The following GPC6 variants were observed in gnomAD, a reference collection of about 807,000 sequenced individuals.
GPC6 encodes the protein glypican 6, also known as glypican-6.
A neutral mutation model predicts 55.2 loss-of-function variants in GPC6; 14 were observed. The ratio of observed to expected loss-of-function variants is 0.25; its 90% CI spans 0.17 to 0.40. The LOEUF (loss-of-function observed/expected upper bound fraction) is 0.40. Ranked by LOEUF, GPC6 falls within the 10% of genes least tolerant of loss-of-function variation. The pLI is 1.00. For synonymous variants in GPC6, 278 were observed against 259.6 expected, an observed-to-expected ratio of 1.07 and a Z score of -0.68; for missense variants, 641 against 708.5, an observed-to-expected ratio of 0.90 and a Z score of 1.08.
intron 1 of GPC6, among the ~76,000 whole-genome samples, chr13:93,497,117 C>A (rs1198229173): frequency 6.6e-6 from 1 of 152,192 alleles, no homozygotes; most frequent in Non-Finnish European, 1.5e-5. Flanking sequence ...CTGTCTGCAT[C>A]ACTTTAGGAG....
intron 1 of GPC6, among the ~76,000 whole-genome samples, chr13:93,292,366 G>A (rs1336994827): frequency 6.6e-6 from 1 of 152,094 alleles, no homozygotes; most frequent in Non-Finnish European, 1.5e-5. Context: ...GATCTTTAAG[G>A]GAGAGATGCT....
chr13:93,495,353 G>A (rs1460171824), intron 1 of GPC6, among the ~76,000 whole-genome samples: 2 of 144,596 alleles, frequency 1.4e-5, no homozygotes, highest in African/African-American at 2.6e-5. Flanking sequence ...CGTAGTTCTC[G>A]AGCCTTGGTT....
At chr13:94,388,567 G>C (rs77338414) in intron 7 of GPC6, among the ~76,000 whole-genome samples, 1 of 152,178 alleles carries the variant, frequency 6.6e-6, no homozygotes, top group East Asian at 1.9e-4. Flanking sequence ...TTGTATCTTT[G>C]GTCAGCATTT....
chr13:93,740,851 C>G (rs1032548161), intron 2 of GPC6, among the ~76,000 whole-genome samples: 9 of 152,072 alleles, frequency 5.9e-5, no homozygotes, highest in African/African-American at 2.2e-4. Flanking sequence ...AATTTTGAGG[C>G]AAAGCTTCAA....
chr13:93,710,594 A>G (rs919365398), intron 2 of GPC6, among the ~76,000 whole-genome samples: 2 of 151,746 alleles, frequency 1.3e-5, no homozygotes, highest in Non-Finnish European at 2.9e-5. Context: ...ACTGGCTCCT[A>G]TAAGTTATCA....
intron 1 of GPC6, among the ~76,000 whole-genome samples, chr13:93,325,017 A>T (rs1002387297): frequency 6.6e-6 from 1 of 152,178 alleles, no homozygotes; most frequent in Non-Finnish European, 1.5e-5. Flanking sequence ...AAAGGAATTC[A>T]TGCACAGCAA....
chr13:93,220,118 A>G, the GPC6 span, among the ~76,000 whole-genome samples: 2 of 152,220 alleles, frequency 1.3e-5, no homozygotes, highest in African/African-American at 4.8e-5. Flanking sequence ...TAAGGTCAAA[A>G]TAATTAATGA....
intron 4 of GPC6, among the ~76,000 whole-genome samples, chr13:94,268,647 A>G (rs1407364609): frequency 1.3e-5 from 2 of 151,668 alleles, no homozygotes; most frequent in Admixed American, 6.6e-5. Flanking sequence ...TTTTTTTTCT[A>G]TTTCATTCCT....
chr13:93,551,308 C>CA (rs11292944), intron 2 of GPC6, among the ~76,000 whole-genome samples: 104 of 147,508 alleles, frequency 7.1e-4, no homozygotes, highest in East Asian at 1.6e-3. Context: ...TGTTTTCTAA[C>CA]AAAAAAAAAA....
intron 2 of GPC6, among the ~76,000 whole-genome samples, chr13:93,664,774 C>T (rs981355390): frequency 2.0e-5 from 3 of 152,100 alleles, no homozygotes; most frequent in Non-Finnish European, 4.4e-5. Flanking sequence ...TGCGCCACCA[C>T]GCCTGGCACA....
chr13:93,404,932 G>A (rs936948780), intron 1 of GPC6, among the ~76,000 whole-genome samples: 17 of 152,074 alleles, frequency 1.1e-4, no homozygotes, highest in African/African-American at 4.1e-4. Context: ...TCAAATACTT[G>A]AAGATGAGAA....
At chr13:93,616,145 G>T (rs1165125420) in intron 2 of GPC6, among the ~76,000 whole-genome samples, 1 of 152,036 alleles carries the variant, frequency 6.6e-6, no homozygotes, top group Non-Finnish European at 1.5e-5. Flanking sequence ...GTAAGAATTT[G>T]TATTAAAATC....
intron 1 of GPC6, among the ~76,000 whole-genome samples, chr13:93,279,012 G>A (rs1052674261): frequency 3.9e-5 from 6 of 152,178 alleles, no homozygotes; most frequent in Non-Finnish European, 7.4e-5. Context: ...TAAAAAAGAC[G>A]AAATATGATA....
intron 3 of GPC6, among the ~76,000 whole-genome samples, chr13:93,975,199 A>G (rs1452505480): frequency 1.3e-5 from 2 of 152,220 alleles, no homozygotes; most frequent in African/African-American, 2.4e-5. Flanking sequence ...GATTGCCTCC[A>G]AATTTTAAAA....
chr13:93,777,346 C>G (rs1432925073), intron 2 of GPC6, among the ~76,000 whole-genome samples: 2 of 152,176 alleles, frequency 1.3e-5, no homozygotes. Flanking sequence ...ATTAACTAAA[C>G]CCAGCTAAGC....
intron 2 of GPC6, among the ~76,000 whole-genome samples, chr13:93,649,380 A>T (rs1880311698): frequency 6.6e-6 from 1 of 152,208 alleles, no homozygotes; most frequent in Admixed American, 6.5e-5. Context: ...TGAGCCAAGG[A>T]CATAGATGCT....
At chr13:94,246,212 A>G (rs1344062756) in intron 4 of GPC6, among the ~76,000 whole-genome samples, 1 of 151,954 alleles carries the variant, frequency 6.6e-6, no homozygotes, top group Non-Finnish European at 1.5e-5. Flanking sequence ...TGGAGTTTAT[A>G]TTTTCTTGTT....
intron 2 of GPC6, among the ~76,000 whole-genome samples, chr13:93,714,226 T>C (rs1261888123): frequency 1.3e-5 from 2 of 151,658 alleles, no homozygotes; most frequent in Non-Finnish European, 2.9e-5. Context: ...ATAAGGAACT[T>C]AAACAATTGA....
At chr13:93,915,809 C>T (rs1877257831) in intron 3 of GPC6, among the ~76,000 whole-genome samples, 1 of 152,120 alleles carries the variant, frequency 6.6e-6, no homozygotes, top group African/African-American at 2.4e-5. Flanking sequence ...CTCTTGGCTG[C>T]CCCCCAGTTA....
Sources: allele counts gnomAD v4.1 joint callset (sites outside exome capture counted in the v4.1 genomes callset), GRCh38; gene constraint gnomAD v4.1.1; transcripts MANE v1.5; gene names NCBI Gene and HGNC (gene_info 2026-07-23, HGNC 2026-07-21).